Variants in ZNF18 observed in about 807,000 individuals in gnomAD.
ZNF18 encodes zinc finger protein 18.
ZNF18 carries 42 observed loss-of-function variants against 58.1 expected under a neutral mutation model. That is an observed-to-expected ratio of 0.72 (90% CI 0.56 to 0.93). The LOEUF is 0.93. Ranked by LOEUF, ZNF18 falls within the 40% of genes least tolerant of loss-of-function variation. The pLI, the probability that ZNF18 is intolerant of heterozygous loss-of-function variation, is 0.00. For synonymous variants in ZNF18, 231 were observed against 239.8 expected (o/e 0.96, Z 0.34); for missense variants, 540 against 644.2 (o/e 0.84, Z 1.75).
intron 4 of ZNF18, among the ~76,000 whole-genome samples, chr17:11,990,108 G>C (rs559279815): frequency 3.9e-5 from 6 of 152,132 alleles, no homozygotes; most frequent in African/African-American, 1.4e-4. Flanking sequence ...TCCAAGTTTA[G>C]TGAAAACCAT....
chr17:12,003,679 G>A, the ZNF18 span, among the ~76,000 whole-genome samples: 1 of 152,152 alleles, frequency 6.6e-6, no homozygotes, highest in Non-Finnish European at 1.5e-5. Flanking sequence ...GGATTTCAAT[G>A]ACTAACTCCC....
At chr17:11,979,840 C>T (rs115078716) in intron 6 of ZNF18, among the ~76,000 whole-genome samples, 1,637 of 152,186 alleles carry the variant, frequency 0.011, 33 homozygotes, top group African/African-American at 0.038. Flanking sequence ...GGCAAAGGTA[C>T]TTTCTCGTGT....
At chr17:11,998,822 CTTTTTTTTTTTT>C (rs71142260), upstream of ZNF18, among the ~76,000 whole-genome samples, 1 of 108,522 alleles carries the variant, frequency 9.2e-6, no homozygotes, top group Non-Finnish European at 1.8e-5. Context: ...AGTTTCTAGT[CTTTTTTTTTTTT>C]TTTTTTTTTT....
intron 3 of ZNF18, 99 bp downstream of exon 3, chr17:11,990,875 A>C: frequency 7.5e-7 from 1 of 1,332,350 alleles, no homozygotes; most frequent in East Asian, 2.3e-5. Flanking sequence ...CCTCTCAGGG[A>C]TACGCCAATC....
intron 2 of ZNF18, among the ~76,000 whole-genome samples, chr17:11,991,377 T>C (rs1968119399): frequency 6.6e-6 from 1 of 152,188 alleles, no homozygotes; most frequent in Non-Finnish European, 1.5e-5. Context: ...GTGGGAGACC[T>C]TCAAGACATG....
rs778981241 is a variant in ZNF18, at chr17:11,978,474, T to C, written c.1133A>G (p.His378Arg). 1 of 1,590,540 alleles carries C rather than the reference T, an allele frequency of 6.3e-7. No individual in the cohort carries two copies. Among genetic ancestry groups the C allele is most frequent in the Non-Finnish European group, 8.6e-7 (1 of 1,168,930 alleles). Residue 378 changes from histidine to arginine, a missense_variant, in exon 7 of 7, where the codon CAT (histidine) becomes CGT (arginine). Coordinates refer to ENST00000580306, the MANE Select transcript of ZNF18 (RefSeq NM_001303281.2). ...CCACATGGTGGACATTTCTCCTGAA[T>C]GAGGATTAGGCAAATGCTGACCTAG... Reference protein sequence around the residue: ...KQLGQHLPNPHSGEMSTMWLE... With the variant: ...KQLGQHLPNPRSGEMSTMWLE...
Position 11,978,562 on chromosome 17 carries a change from T to C in ZNF18, c.1045A>G (p.Asn349Asp). The C allele has an allele frequency of 6.2e-7, 1 of 1,613,782 alleles. No homozygotes were observed. Among genetic ancestry groups the C allele is most frequent in the Non-Finnish European group, 8.5e-7 (1 of 1,179,952 alleles). The change falls in exon 7 of 7, where the codon AAC becomes GAC. Residue 349 changes from asparagine to aspartate, a missense_variant. Physicochemically the swap from Asn to Asp is conservative, Grantham distance 23. Coordinates refer to ENST00000580306, the MANE Select transcript of ZNF18 (RefSeq NM_001303281.2). ...EGENLPEALQ[N>D]IQDEGTGEQL... ...TCCCCTGTTCCCTCATCCTGAATGT[T>C]TTGCAGAGCCTCAGGGAGATTCTCT...
chr17:12,011,695 AT>A, the ZNF18 span, among the ~76,000 whole-genome samples: 741 of 87,602 alleles, frequency 8.5e-3, 3 homozygotes, highest in Middle Eastern at 0.023. Flanking sequence ...AATGTTCTTA[AT>A]TTTTTTTTTT....
chr17:11,981,419 A>C (rs1967338064), intron 6 of ZNF18, among the ~76,000 whole-genome samples: 1 of 150,098 alleles, frequency 6.7e-6, no homozygotes, highest in African/African-American at 2.5e-5. Context: ...TCCCAGGTTC[A>C]AGCGATTCTC....
At chr17:12,009,261 T>C in the ZNF18 span, 3 of 152,038 alleles carry the variant, frequency 2.0e-5, no homozygotes, top group Non-Finnish European at 4.4e-5. Context: ...GCCATCCTTT[T>C]ATCCCTACAT....
chr17:11,990,292 T>C (rs1968023132), intron 4 of ZNF18, among the ~76,000 whole-genome samples, 170 bp downstream of exon 4: 2 of 152,108 alleles, frequency 1.3e-5, no homozygotes, highest in South Asian at 4.1e-4. Context: ...TAAGAGTACA[T>C]TTGGCATGAT....
chr17:11,979,040 G>C (rs1269232325), intron 6 of ZNF18, among the ~76,000 whole-genome samples: 1 of 149,590 alleles, frequency 6.7e-6, no homozygotes, highest in Non-Finnish European at 1.5e-5. Context: ...TATTTCTTAA[G>C]GACCAGGAAA....
At chr17:11,989,768 T>C (rs1967980844) in intron 4 of ZNF18, among the ~76,000 whole-genome samples, 1 of 151,360 alleles carries the variant, frequency 6.6e-6, no homozygotes, top group Admixed American at 6.6e-5. Flanking sequence ...TTAATGAACT[T>C]GAAGACAAAC....
At chr17:11,997,382 C>A (rs562003391) in intron 1 of ZNF18, 49 bp downstream of exon 1, 4 of 152,300 alleles carry the variant, frequency 2.6e-5, no homozygotes, top group African/African-American at 4.8e-5. Context: ...TAGCGCAAGG[C>A]CTGACCCCGA....
chr17:11,987,238 A>G (rs540021696), intron 4 of ZNF18, among the ~76,000 whole-genome samples: 224 of 152,352 alleles, frequency 1.5e-3, no homozygotes, highest in African/African-American at 5.2e-3. Context: ...AAACAGGGGA[A>G]GGTGAGTAAA....
At chr17:11,984,263 C>T in intron 4 of ZNF18, 66 bp from the exon 5 acceptor site, 2 of 1,479,842 alleles carry the variant, frequency 1.4e-6, no homozygotes, top group Admixed American at 4.2e-5. Flanking sequence ...AACCTGCCTT[C>T]CCTGCCTAAA....
At chr17:12,008,321 C>T in the ZNF18 span, among the ~76,000 whole-genome samples, 10 of 152,100 alleles carry the variant, frequency 6.6e-5, no homozygotes, top group Non-Finnish European at 1.5e-4. Context: ...GTGGTGCATG[C>T]AATTTGCAGT....
chr17:11,999,282 A>G (rs1203402620), upstream of ZNF18, among the ~76,000 whole-genome samples: 2 of 152,170 alleles, frequency 1.3e-5, no homozygotes, highest in Non-Finnish European at 2.9e-5. Flanking sequence ...TCCCAAGAAA[A>G]ATGCACATAC....
upstream of ZNF18, among the ~76,000 whole-genome samples, chr17:11,998,822 C>CTT (rs71142260): frequency 7.8e-4 from 85 of 108,532 alleles, no homozygotes; most frequent in African/African-American, 1.2e-3. Flanking sequence ...AGTTTCTAGT[C>CTT]TTTTTTTTTT....
Sources: allele counts gnomAD v4.1 joint callset (sites outside exome capture counted in the v4.1 genomes callset), GRCh38; gene constraint gnomAD v4.1.1; transcripts MANE v1.5; gene names NCBI Gene and HGNC (gene_info 2026-07-23, HGNC 2026-07-21).